ATRNL1: variants seen among roughly 807,000 people sequenced by gnomAD.
ATRNL1 encodes attractin-like protein 1.
ATRNL1 carries 95 observed loss-of-function variants against 182.7 expected under a neutral mutation model. The ratio of observed to expected loss-of-function variants is 0.52; its 90% CI spans 0.44 to 0.62. The LOEUF is 0.62. Ranked by LOEUF, ATRNL1 falls within the 20% of genes least tolerant of loss-of-function variation. The pLI is 0.00. For synonymous variants in ATRNL1, 576 were observed against 568.3 expected (o/e 1.01, Z -0.19); for missense variants, 1,471 against 1,679.5 (o/e 0.88, Z 2.17).
chr10:115,201,561 G>C (rs1848579810), intron 8 of ATRNL1, among the ~76,000 whole-genome samples: 1 of 152,124 alleles, frequency 6.6e-6, no homozygotes, highest in African/African-American at 2.4e-5. Context: ...CGTTATTTCT[G>C]AGGGTTCTGT....
At chr10:115,411,439 T>C (rs1845136354) in intron 20 of ATRNL1, among the ~76,000 whole-genome samples, 1 of 152,056 alleles carries the variant, frequency 6.6e-6, no homozygotes, top group Non-Finnish European at 1.5e-5. Context: ...ATTATTTACT[T>C]CTTCAAAGTC....
intron 1 of ATRNL1, among the ~76,000 whole-genome samples, chr10:115,095,006 A>G (rs1429007201): frequency 6.6e-6 from 1 of 152,190 alleles, no homozygotes; most frequent in Non-Finnish European, 1.5e-5. Flanking sequence ...TTGCTTGCTA[A>G]GGTGAAGGTA....
At chr10:115,127,487 G>A (rs781837576) in intron 3 of ATRNL1, 106 bp from the exon 4 acceptor site, 11 of 881,710 alleles carry the variant, frequency 1.2e-5, no homozygotes, top group Admixed American at 9.7e-5. Context: ...CCATTCTGAC[G>A]TACAAGCATT....
intron 21 of ATRNL1, among the ~76,000 whole-genome samples, chr10:115,449,569 AACAC>A (rs1182080929): frequency 6.6e-6 from 1 of 152,174 alleles, no homozygotes; most frequent in Non-Finnish European, 1.5e-5. Context: ...AAGACACTGT[AACAC>A]ATGCCCTCTG....
intron 5 of ATRNL1, among the ~76,000 whole-genome samples, chr10:115,147,834 A>G (rs1472318255): frequency 6.6e-6 from 1 of 152,070 alleles, no homozygotes; most frequent in Non-Finnish European, 1.5e-5. Context: ...CTGGTTTTGT[A>G]CCAGTACCAT....
At chr10:115,523,088 G>A (rs1554985677) in intron 25 of ATRNL1, among the ~76,000 whole-genome samples, 2 of 152,106 alleles carry the variant, frequency 1.3e-5, no homozygotes, top group Non-Finnish European at 2.9e-5. Flanking sequence ...GGGCACTCAG[G>A]CTTTTCAATA....
chr10:115,381,432 ATTT>A (rs375127246), intron 19 of ATRNL1, among the ~76,000 whole-genome samples: 6 of 68,548 alleles, frequency 8.8e-5, no homozygotes, highest in Non-Finnish European at 1.5e-4. Context: ...ATACCTGGCA[ATTT>A]TTTTTTTTTT....
Position 115,844,683 on chromosome 10 carries a change from A to T in ATRNL1, c.3904-3194A>T, listed in dbSNP as rs1372705861. 2.0e-5 allele frequency among the ~76,000 whole-genome samples: 3 copies of T among 152,042 alleles called. No individual in the cohort carries two copies. In the East Asian group the frequency reaches 5.8e-4, roughly 29 times the overall value. On this transcript the variant is annotated intron_variant, in intron 27 of 28. Coordinates refer to ENST00000355044, the MANE Select transcript of ATRNL1 (RefSeq NM_207303.4). ...GCCTAATACACAGGGACTGCTAATT[A>T]CGTAACTGTCAGTGATGTTTTCTGG...
chr10:115,799,873 C>T (rs955749681), intron 27 of ATRNL1, among the ~76,000 whole-genome samples: 1 of 152,124 alleles, frequency 6.6e-6, no homozygotes, highest in Non-Finnish European at 1.5e-5. Context: ...GGCTTTATCT[C>T]TAATGCTCAC....
intron 21 of ATRNL1, among the ~76,000 whole-genome samples, chr10:115,444,146 C>A (rs1846840731): frequency 6.6e-6 from 1 of 151,916 alleles, no homozygotes; most frequent in Admixed American, 6.6e-5. Flanking sequence ...TAATTGTTTC[C>A]ATAAGAAATC....
At chr10:115,592,281 A>G (rs1322296465) in intron 26 of ATRNL1, among the ~76,000 whole-genome samples, 1 of 152,202 alleles carries the variant, frequency 6.6e-6, no homozygotes, top group Non-Finnish European at 1.5e-5. Context: ...CAATATACCC[A>G]TATAACAATC....
At chr10:115,335,430 T>A (rs1855435043) in intron 19 of ATRNL1, among the ~76,000 whole-genome samples, 1 of 152,116 alleles carries the variant, frequency 6.6e-6, no homozygotes, top group Admixed American at 6.6e-5. Flanking sequence ...GGCCACTTTC[T>A]AAAACAATTA....
chr10:115,234,540 A>AT (rs1297470220), intron 9 of ATRNL1, among the ~76,000 whole-genome samples: 1 of 149,878 alleles, frequency 6.7e-6, no homozygotes, highest in East Asian at 2.0e-4. Flanking sequence ...TTGTACCAAT[A>AT]TTTTTTACAA....
chr10:115,134,299 TAAAG>T (rs1554876026), intron 5 of ATRNL1, among the ~76,000 whole-genome samples: 1 of 151,474 alleles, frequency 6.6e-6, no homozygotes, highest in Non-Finnish European at 1.5e-5. Context: ...GCAAGACTAA[TAAAG>T]AAGAAAAGAG....
chr10:115,795,723 C>T (rs1201418338), intron 27 of ATRNL1, among the ~76,000 whole-genome samples: 1 of 151,974 alleles, frequency 6.6e-6, no homozygotes, highest in African/African-American at 2.4e-5. Flanking sequence ...TTGAAACAAC[C>T]AGATCTCTTG....
intron 28 of ATRNL1, among the ~76,000 whole-genome samples, chr10:115,875,984 A>G (rs1416310221): frequency 6.6e-6 from 1 of 152,204 alleles, no homozygotes; most frequent in Non-Finnish European, 1.5e-5. Context: ...GGACACTGAA[A>G]GGCAAAGTAG....
chr10:115,854,705 A>T (rs1448588830), intron 28 of ATRNL1, among the ~76,000 whole-genome samples: 1 of 152,156 alleles, frequency 6.6e-6, no homozygotes, highest in Non-Finnish European at 1.5e-5. Context: ...CTGTTTTTGT[A>T]AAGTCTGTTT....
intron 19 of ATRNL1, among the ~76,000 whole-genome samples, chr10:115,389,580 A>ACATATATATATATG (rs1843907221): frequency 9.2e-6 from 1 of 109,006 alleles, no homozygotes; most frequent in African/African-American, 3.5e-5. Flanking sequence ...ATATATATAT[A>ACATATATATATATG]TATATATATA....
chr10:115,639,100 C>T (rs947469001), intron 26 of ATRNL1, among the ~76,000 whole-genome samples: 4 of 152,130 alleles, frequency 2.6e-5, no homozygotes, highest in Non-Finnish European at 4.4e-5. Context: ...CAAAATACAT[C>T]ATAATTAAGT....
Sources: gnomAD v4.1 joint callset for allele counts (sites outside exome capture counted in the v4.1 genomes callset) on GRCh38, gnomAD v4.1.1 for gene constraint, MANE v1.5 for transcripts, NCBI Gene and HGNC (gene_info 2026-07-23, HGNC 2026-07-21) for gene names.